ZXDC: variants seen among roughly 807,000 people sequenced by gnomAD.
ZXDC encodes the protein ZXD family zinc finger C.
ZXDC carries 58 observed loss-of-function variants against 63.6 expected under a neutral mutation model. The observed-to-expected ratio is 0.91, with a 90% CI of 0.74 to 1.13. The LOEUF (loss-of-function observed/expected upper bound fraction) is 1.13. Ranked by LOEUF, ZXDC falls within the 50% of genes most tolerant of loss-of-function variation. ZXDC has a pLI of 0.00. For synonymous variants in ZXDC, 561 were observed against 496.1 expected (o/e 1.13, Z -1.74); for missense variants, 1,133 against 1,148.9 (o/e 0.99, Z 0.20).
chr3:126,446,096 A>G (rs1317468400), intron 7 of ZXDC, among the ~76,000 whole-genome samples: 1 of 152,206 alleles, frequency 6.6e-6, no homozygotes, highest in Non-Finnish European at 1.5e-5. Context: ...CTCTCTCACA[A>G]TGGACAACCA....
Position 126,470,934 on chromosome 3 carries a change from T to A in ZXDC, c.1231A>T (p.Thr411Ser). 1 of 1,614,220 alleles carries A rather than the reference T, an allele frequency of 6.2e-7. No individual in the cohort carries two copies. Among genetic ancestry groups the A allele is most frequent in the Admixed American group, 1.7e-5 (1 of 60,018 alleles). Reference sequence around the variant, plus strand: ...TCGAACGGCTTTGTGCCTAGGTGGGTTATGCTGTGGCCTTTCAGATGCTCT... The same window carrying A: ...TCGAACGGCTTTGTGCCTAGGTGGGATATGCTGTGGCCTTTCAGATGCTCT... ...RAEHLKGHSI[T>S]HLGTKPFECP... Residue 411 changes from threonine to serine, a missense_variant, in exon 4 of 10, where the codon ACC (threonine) becomes TCC (serine). Coordinates refer to ENST00000389709, the MANE Select transcript of ZXDC (RefSeq NM_025112.5).
At position 126,474,944 on chromosome 3, in the gene ZXDC, C is replaced by G; in HGVS notation, c.907+15G>C. ...CAACACCGCGCAGCCCGCCCGCCCCCGAGAGCGCGGTTACCGGGAAAGTCA... is the reference window on the plus strand; with the variant it reads ...CAACACCGCGCAGCCCGCCCGCCCCGGAGAGCGCGGTTACCGGGAAAGTCA... On this transcript the variant is annotated intron_variant, in intron 1 of 9. Coordinates refer to ENST00000389709, the MANE Select transcript of ZXDC (RefSeq NM_025112.5). The G allele has an allele frequency of 6.4e-7, 1 of 1,552,056 alleles. No individual in the cohort carries two copies. Among genetic ancestry groups the G allele is most frequent in the Non-Finnish European group, 8.7e-7 (1 of 1,146,270 alleles).
At chr3:126,470,753 G>A (rs1324898092) in intron 4 of ZXDC, 142 bp downstream of exon 4, 6 of 1,168,562 alleles carry the variant, frequency 5.1e-6, no homozygotes, top group African/African-American at 1.5e-5. Flanking sequence ...TTAACTCAAT[G>A]AGGTAAGTAA....
intron 7 of ZXDC, among the ~76,000 whole-genome samples, chr3:126,455,521 T>C (rs917601416): frequency 2.0e-5 from 3 of 151,884 alleles, no homozygotes; most frequent in Non-Finnish European, 2.9e-5. Flanking sequence ...GGGACAGGGA[T>C]AATACAAGAG....
chr3:126,458,959 A>AATAT, intron 7 of ZXDC: 1 of 980,944 alleles, frequency 1.0e-6, no homozygotes, highest in Non-Finnish European at 1.2e-6. Context: ...TACTATTAGG[A>AATAT]ATAGAGAGCA....
At chr3:126,474,881 C>T in intron 1 of ZXDC, 78 bp downstream of exon 1, 1 of 1,457,750 alleles carries the variant, frequency 6.9e-7, no homozygotes, top group Non-Finnish European at 9.1e-7. Flanking sequence ...TCTGGCAGGC[C>T]CCTCTGTGGG....
At chr3:126,474,907 C>G in intron 1 of ZXDC, 52 bp downstream of exon 1, 1 of 1,515,476 alleles carries the variant, frequency 6.6e-7, no homozygotes, top group Non-Finnish European at 8.9e-7. Context: ...CGTGGCACCC[C>G]AGACCTGCCT....
chr3:126,460,884 C>T, intron 6 of ZXDC: 2 of 985,316 alleles, frequency 2.0e-6, no homozygotes, highest in Non-Finnish European at 1.2e-6. Flanking sequence ...CAAATTTAGC[C>T]TGTGCCACAA....
chr3:126,475,368 C>T lies in ZXDC; in HGVS notation c.498G>A (p.Gln166=). 1 of 1,269,866 alleles carries T rather than the reference C, an allele frequency of 7.9e-7. No individual in the cohort carries two copies. Among genetic ancestry groups the T allele is most frequent in the Non-Finnish European group, 9.9e-7 (1 of 1,006,460 alleles). The allele number at this position is 1,269,866 out of a possible 1,614,324, so 78.7% of individuals were successfully genotyped here. The change falls in exon 1 of 10, where the codon CAG becomes CAA. Residue 166 remains glutamine, a synonymous_variant. Coordinates refer to ENST00000389709, the MANE Select transcript of ZXDC (RefSeq NM_025112.5). Reference sequence around the variant, plus strand: ...AGCCGGGCGTGCTGGGGCCGGAGGCCTGGGGCGCGCGGCGGGGAGCGGCGG... The same window carrying T: ...AGCCGGGCGTGCTGGGGCCGGAGGCTTGGGGCGCGCGGCGGGGAGCGGCGG... ...AGAAAPRRAP[Q]ASGPSTPGYR...
At chr3:126,440,372 C>T in intron 8 of ZXDC, 7 of 985,964 alleles carry the variant, frequency 7.1e-6, no homozygotes, top group Non-Finnish European at 8.4e-6. Flanking sequence ...TCAAGGTCTG[C>T]ACTACTGTTC....
intron 7 of ZXDC, chr3:126,458,668 GT>G (rs1934403957): frequency 2.1e-5 from 21 of 985,300 alleles, no homozygotes; most frequent in Non-Finnish European, 2.0e-5. Flanking sequence ...TTGAATGTTT[GT>G]CTCTTTTTTC....
At chr3:126,452,063 C>A in intron 7 of ZXDC, 1 of 985,370 alleles carries the variant, frequency 1.0e-6, no homozygotes. Flanking sequence ...CCAGCATTCA[C>A]CTGTCAATAA....
At chr3:126,452,486 A>G (rs1460427392) in intron 7 of ZXDC, 4 of 985,254 alleles carry the variant, frequency 4.1e-6, no homozygotes, top group Non-Finnish European at 4.8e-6. Flanking sequence ...CAGGCTTCCA[A>G]CTGCTCTCCC....
chr3:126,475,268 C>G lies in ZXDC; in HGVS notation c.598G>C (p.Gly200Arg). The G allele has an allele frequency of 1.3e-6, 2 of 1,553,404 alleles. No homozygotes were observed. Among genetic ancestry groups the G allele is most frequent in the Non-Finnish European group, 1.7e-6 (2 of 1,148,324 alleles). Residue 200 changes from glycine (G) to arginine (R), a missense_variant, in exon 1 of 10, where the codon GGC becomes CGC. By Grantham distance (125) the Gly-to-Arg change is moderately radical (BLOSUM62 -2). Coordinates refer to ENST00000389709, the MANE Select transcript of ZXDC (RefSeq NM_025112.5). ...HQLKVHLLTHGGGQGRRPFKC... is the reference protein window; with the variant it reads ...HQLKVHLLTHRGGQGRRPFKC... ...AAGGGCCGCCGGCCCTGACCGCCGC[C>G]GTGCGTGAGCAGGTGCACCTTGAGC...
intron 7 of ZXDC, chr3:126,453,655 T>C (rs555380006): frequency 2.0e-6 from 2 of 985,424 alleles, no homozygotes; most frequent in Non-Finnish European, 2.4e-6. Flanking sequence ...TATAAACACA[T>C]GGCCTATCCA....
At chr3:126,438,996 C>T (rs1244381237) in intron 9 of ZXDC, among the ~76,000 whole-genome samples, 2 of 152,220 alleles carry the variant, frequency 1.3e-5, no homozygotes, top group Non-Finnish European at 2.9e-5. Flanking sequence ...GGAGCAGACA[C>T]TTCTGAAGTT....
chr3:126,459,606 G>C, intron 7 of ZXDC, 47 bp downstream of exon 7: 1 of 1,612,738 alleles, frequency 6.2e-7, no homozygotes, highest in Non-Finnish European at 8.5e-7. Flanking sequence ...CAGTGACAGA[G>C]AACCCTCAGG....
At position 126,475,011 on chromosome 3, in the gene ZXDC, G is replaced by C. The variant is rs1935128703; in HGVS notation, c.855C>G (p.Ser285=). Residue 285 remains serine, a synonymous_variant, in exon 1 of 10, where the codon TCC becomes TCG. Coordinates refer to ENST00000389709, the MANE Select transcript of ZXDC (RefSeq NM_025112.5). The part of the protein sequence containing the change: ...ERFPTHAKLS[S]HQRSHFEPER... ...CGGGCTCGAAGTGGCTGCGCTGGTG[G>C]GAGCTGAGCTTGGCGTGCGTGGGGA... 6.3e-7 allele frequency: 1 copy of C among 1,596,852 alleles called. No homozygotes were observed. The highest frequency in any genetic ancestry group is 1.3e-5 in the African/African-American group (1 of 74,690).
Position 126,475,514 on chromosome 3 carries a change from G to T in ZXDC, c.352C>A (p.Pro118Thr). The change falls in exon 1 of 10, where the codon CCC becomes ACC. Residue 118 changes from proline to threonine, a missense_variant. Coordinates refer to ENST00000389709, the MANE Select transcript of ZXDC (RefSeq NM_025112.5). ...GCCGGGGCTACGCCAGGGCCGGGGG[G>T]GGCGGCCGGGCCGCTGGGGCCCTGC... ...PEQGPSGPAA[P>T]PGPGVAPAGA... The T allele has an allele frequency of 8.0e-7, 1 of 1,246,260 alleles. No homozygotes were observed. The highest frequency in any genetic ancestry group is 1.0e-6 in the Non-Finnish European group (1 of 997,860). The allele number at this position is 1,246,260 out of a possible 1,614,324, so 77.2% of individuals were successfully genotyped here. A position where few individuals can be genotyped will look rare whatever the true frequency, so the allele number is the denominator to read the frequency against.
Sources: gnomAD v4.1 joint callset for allele counts (sites outside exome capture counted in the v4.1 genomes callset) on GRCh38, gnomAD v4.1.1 for gene constraint, MANE v1.5 for transcripts, NCBI Gene and HGNC (gene_info 2026-07-23, HGNC 2026-07-21) for gene names.